Variants in TAF15 observed in about 807,000 individuals in gnomAD.
The protein encoded by TAF15 is TATA-box binding protein associated factor 15, also known as TATA-binding protein-associated factor 2N.
Under a neutral mutation model 102.5 loss-of-function variants are expected in TAF15, and 37 were observed. The observed-to-expected ratio is 0.36, with a 90% confidence interval of 0.28 to 0.47. TAF15 has a LOEUF of 0.47. TAF15 is among the 20% of genes least tolerant of loss of function. The pLI is 0.99. For synonymous variants in TAF15, 273 were observed against 259.2 expected (o/e 1.05, Z -0.51); for missense variants, 652 against 760.7 (o/e 0.86, Z 1.68).
At chr17:35,833,184 GA>G (rs1475565221) in intron 7 of TAF15, among the ~76,000 whole-genome samples, 3 of 151,872 alleles carry the variant, frequency 2.0e-5, no homozygotes, top group Non-Finnish European at 4.4e-5. Context: ...GTCCTGTTTG[GA>G]ATATGTTGCC....
In TAF15 at chr17:35,827,120, G is replaced by A. The variant is rs148705479; in HGVS notation, c.605+2922G>A. 1.4e-3 allele frequency among the ~76,000 whole-genome samples: 220 copies of A among 151,878 alleles called. 1 individual carries two copies. The highest frequency in any genetic ancestry group is 8.1e-3 in the Admixed American group (123 of 15,246). ...AAAATAGCAATTCTTGGCCGGGTGC[G>A]GTGGCTCACACCTGTAATCCCAGCG... On this transcript the variant is annotated intron_variant, in intron 7 of 15. Coordinates refer to ENST00000605844, the MANE Select transcript of TAF15 (RefSeq NM_139215.3).
At chr17:35,820,107 A>C in intron 3 of TAF15, 32 bp downstream of exon 3, 1 of 1,613,828 alleles carries the variant, frequency 6.2e-7, no homozygotes, top group Non-Finnish European at 8.5e-7. Context: ...ATTCTTCATA[A>C]GTAGTTATTT....
chr17:35,844,192 G>GT, intron 13 of TAF15, 34 bp downstream of exon 13: 1 of 1,613,052 alleles, frequency 6.2e-7, no homozygotes, highest in Non-Finnish European at 8.5e-7. Flanking sequence ...GAGAGTAGGG[G>GT]TTGGGATTGG....
chr17:35,834,478 T>C, intron 8 of TAF15, 88 bp from the exon 9 acceptor site: 1 of 1,284,922 alleles, frequency 7.8e-7, no homozygotes, highest in Non-Finnish European at 1.1e-6. Flanking sequence ...GTATTGACTT[T>C]TCATGCCTTG....
intron 11 of TAF15, among the ~76,000 whole-genome samples, chr17:35,841,883 A>G (rs529044458): frequency 1.8e-4 from 27 of 152,102 alleles, no homozygotes; most frequent in Non-Finnish European, 3.4e-4. Context: ...ATTTTTTCAG[A>G]GAAAGGGTCT....
At chr17:35,842,878 G>T (rs550194145) in intron 12 of TAF15, among the ~76,000 whole-genome samples, 2 of 149,272 alleles carry the variant, frequency 1.3e-5, no homozygotes. Context: ...GACTACAGGC[G>T]TGCGCCACCA....
At position 35,831,808 on chromosome 17, in the gene TAF15, C is replaced by T. The variant is rs1023451924; in HGVS notation, c.606-2099C>T. Reference sequence around the variant, plus strand: ...GTTAAAAAACCTCTGAGAGGCCGGGCGTGGTGGCTCACACCTGTAATCCCA... The same window carrying T: ...GTTAAAAAACCTCTGAGAGGCCGGGTGTGGTGGCTCACACCTGTAATCCCA... On this transcript the variant is annotated intron_variant, in intron 7 of 15. Coordinates refer to ENST00000605844, the MANE Select transcript of TAF15 (RefSeq NM_139215.3). Among the ~76,000 whole-genome samples, 6 of 152,148 alleles carry T rather than the reference C, an allele frequency of 3.9e-5. No homozygotes were observed. In the South Asian group the frequency reaches 1.0e-3, roughly 26 times the overall value.
At chr17:35,844,435 G>C (rs2073627) in intron 14 of TAF15, 42 bp from the exon 15 acceptor site, 12 of 1,613,012 alleles carry the variant, frequency 7.4e-6, no homozygotes, top group Non-Finnish European at 8.5e-6. Context: ...GGGGCTTTAC[G>C]TTGTTTCTGC....
chr17:35,834,514 G>T, intron 8 of TAF15, 52 bp from the exon 9 acceptor site: 2 of 1,571,944 alleles, frequency 1.3e-6, no homozygotes, highest in African/African-American at 1.4e-5. Context: ...TTTTGTTAAT[G>T]ATTTTAAATA....
Position 35,836,873 on chromosome 17 carries a change from G to A in TAF15, c.783+632G>A, listed in dbSNP as rs4251768. ...GCTCACTGCAGCCTCTGCCTTCCGG[G>A]TTCAAGTGATTCTCCTGCCTCAGCC... is the stretch of plus-strand genomic sequence containing the variant. On this transcript the variant is annotated intron_variant, in intron 10 of 15. Coordinates refer to ENST00000605844, the MANE Select transcript of TAF15 (RefSeq NM_139215.3). Among the ~76,000 whole-genome samples the A allele has an allele frequency of 4.5e-3, 677 of 152,012 alleles. 3 individuals are homozygous for A. The highest frequency in any genetic ancestry group is 9.1e-3 in the Admixed American group (139 of 15,280).
intron 12 of TAF15, among the ~76,000 whole-genome samples, chr17:35,842,920 A>T (rs1365480003): frequency 1.3e-5 from 2 of 150,544 alleles, no homozygotes; most frequent in African/African-American, 2.4e-5. Flanking sequence ...TTTAATAGAG[A>T]TGATTTCACT....
At position 35,847,081 on chromosome 17, in the gene TAF15, G is replaced by A; in HGVS notation, c.*136G>A. On this transcript the variant is annotated 3_prime_UTR_variant, in exon 16 of 16. Transcript: ENST00000605844. ...TTTGGATTTTTATTTGGGTGGGAGGGCTGGGACAGTTTTTCTTCTAGAAAT... is the reference window on the plus strand; with the variant it reads ...TTTGGATTTTTATTTGGGTGGGAGGACTGGGACAGTTTTTCTTCTAGAAAT... 1 of 686,008 alleles carries A rather than the reference G, an allele frequency of 1.5e-6. No homozygotes were observed. The highest frequency in any genetic ancestry group is 2.6e-6 in the Non-Finnish European group (1 of 386,016). 42.5% of individuals were successfully genotyped at this position (686,008 alleles called of 1,614,324 possible).
rs960061612 is a variant in TAF15 at position 35,809,849 on chromosome 17, G to C, written c.7+273G>C. Reference sequence around the variant, plus strand: ...GGAGACTTGCCGTTCCCGGGGGAGGGTGTGTGTGAGTCGGGGGGCGGAGGC... The same window carrying C: ...GGAGACTTGCCGTTCCCGGGGGAGGCTGTGTGTGAGTCGGGGGGCGGAGGC... On this transcript the variant is annotated intron_variant, in intron 1 of 15. Coordinates refer to ENST00000605844, the MANE Select transcript of TAF15 (RefSeq NM_139215.3). The C allele has an allele frequency of 3.8e-4, 227 of 592,056 alleles. 1 individual carries two copies. The highest frequency in any genetic ancestry group is 8.9e-4 in the Middle Eastern group (2 of 2,242). 36.7% of individuals were successfully genotyped at this position (592,056 alleles called of 1,614,324 possible). A position where few individuals can be genotyped will look rare whatever the true frequency, so the allele number is the denominator to read the frequency against.
At chr17:35,821,494 C>T (rs939428009) in intron 5 of TAF15, among the ~76,000 whole-genome samples, 7 of 152,206 alleles carry the variant, frequency 4.6e-5, no homozygotes, top group South Asian at 2.1e-4. Flanking sequence ...GTTGTGCTTT[C>T]GACAGGGAGT....
At chr17:35,817,591 GAGTT>G (rs761717397) in intron 1 of TAF15, 121 bp from the exon 2 acceptor site, 58 of 791,608 alleles carry the variant, frequency 7.3e-5, no homozygotes, top group Non-Finnish European at 1.1e-4. Context: ...TATTTAACTT[GAGTT>G]AGTTTTTCTT....
intron 15 of TAF15, among the ~76,000 whole-genome samples, chr17:35,845,888 A>G (rs991703993): frequency 2.6e-5 from 4 of 152,210 alleles, no homozygotes; most frequent in Non-Finnish European, 4.4e-5. Flanking sequence ...TAATAACTTG[A>G]AACTGTGTAA....
chr17:35,841,542 A>C (rs1056078758), intron 11 of TAF15, among the ~76,000 whole-genome samples: 1 of 151,262 alleles, frequency 6.6e-6, no homozygotes. Context: ...AGTAGCTAGG[A>C]CCACAGGTGC....
chr17:35,823,298 G>C (rs956744653), intron 6 of TAF15, among the ~76,000 whole-genome samples: 2 of 152,196 alleles, frequency 1.3e-5, no homozygotes, highest in South Asian at 2.1e-4. Context: ...ATAAGTAAAA[G>C]TGGAAGCACA....
rs2087150599 is a variant in TAF15 at position 35,813,404 on chromosome 17, T to TGGGTAGATCGC, written c.7+3830_7+3840dup. Among the ~76,000 whole-genome samples the TGGGTAGATCGC allele has an allele frequency of 3.9e-5, 6 of 152,078 alleles. No individual in the cohort carries two copies. The East Asian group carries it at 9.7e-4, about 25-fold the overall frequency. On this transcript the variant is annotated intron_variant, in intron 1 of 15. Transcript: ENST00000605844. ...ATCCCAGCACTTTAAGAGGCTGAGG[T>TGGGTAGATCGC]GGGTAGATCGCGTGAGCTCAGGAGT...
Sources: allele counts gnomAD v4.1 joint callset (sites outside exome capture counted in the v4.1 genomes callset), GRCh38; gene constraint gnomAD v4.1.1; transcripts MANE v1.5; gene names NCBI Gene and HGNC (gene_info 2026-07-23, HGNC 2026-07-21).